Variants in PTPN4 observed in about 807,000 individuals in gnomAD.
PTPN4 encodes tyrosine-protein phosphatase non-receptor type 4.
A neutral mutation model predicts 135.5 loss-of-function variants in PTPN4; 49 were observed. The ratio of observed to expected loss-of-function variants is 0.36; its 90% confidence interval spans 0.29 to 0.46. PTPN4 has a LOEUF of 0.46. Ranked by LOEUF, PTPN4 falls within the 20% of genes least tolerant of loss-of-function variation. The pLI is 1.00. For missense variants in PTPN4, 860 were observed against 1,101.0 expected (o/e 0.78, Z 3.10); for synonymous variants, 333 against 369.9 (o/e 0.90, Z 1.14).
At chr2:119,949,359 A>G (rs1679179897) in intron 18 of PTPN4, among the ~76,000 whole-genome samples, 1 of 152,204 alleles carries the variant, frequency 6.6e-6, no homozygotes, top group Non-Finnish European at 1.5e-5. Context: ...TCGGGGGAAA[A>G]GGAAAAGGTT....
chr2:119,785,644 CAG>C (rs1476844715), intron 1 of PTPN4, among the ~76,000 whole-genome samples: 5 of 151,804 alleles, frequency 3.3e-5, no homozygotes, highest in Non-Finnish European at 7.4e-5. Flanking sequence ...CTTTCAAACA[CAG>C]AAAAATTAAA....
chr2:119,809,779 A>G (rs1339260927), intron 1 of PTPN4, 58 bp from the exon 2 acceptor site: 2 of 1,417,372 alleles, frequency 1.4e-6, no homozygotes, highest in Non-Finnish European at 1.9e-6. Context: ...TGCCTTTTAA[A>G]CTACAGCTTA....
intron 2 of PTPN4, among the ~76,000 whole-genome samples, chr2:119,821,629 A>C (rs894480750): frequency 6.6e-6 from 1 of 152,214 alleles, no homozygotes; most frequent in African/African-American, 2.4e-5. Context: ...TACATTAAAT[A>C]GGTACTTAAT....
intron 25 of PTPN4, among the ~76,000 whole-genome samples, chr2:119,966,478 G>A (rs1281999572): frequency 6.6e-6 from 1 of 152,052 alleles, no homozygotes; most frequent in Admixed American, 6.6e-5. Context: ...GGCTGGTCTC[G>A]AACTCCTGGG....
At chr2:119,882,388 T>C (rs1678092990) in intron 7 of PTPN4, 115 bp from the exon 8 acceptor site, 1 of 1,135,714 alleles carries the variant, frequency 8.8e-7, no homozygotes, top group Non-Finnish European at 1.2e-6. Flanking sequence ...TAAGTGGTTA[T>C]ATTAGAAACA....
At chr2:119,854,902 C>T (rs1043808249) in intron 2 of PTPN4, among the ~76,000 whole-genome samples, 4 of 152,192 alleles carry the variant, frequency 2.6e-5, no homozygotes, top group South Asian at 2.1e-4. Context: ...CCAGAAACAG[C>T]GTGTTTCATT....
At chr2:119,969,552 CTTTTTTTTTTT>C (rs35531556) in intron 26 of PTPN4, among the ~76,000 whole-genome samples, 3 of 113,862 alleles carry the variant, frequency 2.6e-5, no homozygotes, top group Admixed American at 2.2e-4. Context: ...TAATCAATTT[CTTTTTTTTTTT>C]TTTTTTTTTT....
chr2:119,895,810 T>G (rs1407978686), intron 9 of PTPN4, among the ~76,000 whole-genome samples: 3 of 150,364 alleles, frequency 2.0e-5, no homozygotes, highest in Non-Finnish European at 4.4e-5. Context: ...CCAGCTACTC[T>G]GGAGGCTGAG....
Position 119,977,189 on chromosome 2 carries a change from C to T in PTPN4, c.*119C>T. The stretch of plus-strand genomic sequence containing the variant: ...AAAAAAAATGAAGAACTCAAAAAAA[C>T]TTTGAAAACTTCAGCACTGTTGCAC... On this transcript the variant is annotated 3_prime_UTR_variant, in exon 27 of 27. Transcript: ENST00000263708. 2 of 1,378,164 alleles carry T rather than the reference C, an allele frequency of 1.5e-6. No individual in the cohort carries two copies. The highest frequency in any genetic ancestry group is 1.9e-6 in the Non-Finnish European group (2 of 1,062,374). 85.4% of individuals were successfully genotyped at this position (1,378,164 alleles called of 1,614,324 possible).
chr2:119,945,450 TTAAA>T (rs1679118712), intron 16 of PTPN4, among the ~76,000 whole-genome samples: 1 of 152,054 alleles, frequency 6.6e-6, no homozygotes, highest in Non-Finnish European at 1.5e-5. Flanking sequence ...GAGTATATAA[TTAAA>T]TAAGCTGTGG....
chr2:119,952,216 C>A, intron 19 of PTPN4, 87 bp downstream of exon 19: 1 of 1,267,624 alleles, frequency 7.9e-7, no homozygotes, highest in Non-Finnish European at 1.1e-6. Context: ...TGACATAAAA[C>A]ATAAGTCACC....
At chr2:119,778,068 A>G (rs1690871622) in intron 1 of PTPN4, among the ~76,000 whole-genome samples, 1 of 151,930 alleles carries the variant, frequency 6.6e-6, no homozygotes, top group South Asian at 2.1e-4. Context: ...ATTTTTTGCT[A>G]GGGAAGAGAG....
intron 9 of PTPN4, among the ~76,000 whole-genome samples, chr2:119,895,224 A>G (rs1240845377): frequency 6.6e-6 from 1 of 152,218 alleles, no homozygotes; most frequent in Non-Finnish European, 1.5e-5. Flanking sequence ...TAAGAAAATT[A>G]ACGGCTGTCT....
At chr2:119,903,477 A>C (rs1043831581) in intron 10 of PTPN4, among the ~76,000 whole-genome samples, 2 of 152,004 alleles carry the variant, frequency 1.3e-5, no homozygotes, top group Admixed American at 1.3e-4. Flanking sequence ...GGGCCTGACG[A>C]TAGATGTGCC....
chr2:119,822,316 C>A (rs1310524455), intron 2 of PTPN4, among the ~76,000 whole-genome samples: 1 of 151,800 alleles, frequency 6.6e-6, no homozygotes, highest in African/African-American at 2.4e-5. Context: ...GCTGTCTCTT[C>A]CACATGCTTT....
At chr2:119,942,859 A>G (rs572982944) in intron 15 of PTPN4, among the ~76,000 whole-genome samples, 17 of 152,296 alleles carry the variant, frequency 1.1e-4, no homozygotes, top group Non-Finnish European at 2.2e-4. Flanking sequence ...ACTTGAATCT[A>G]TGGGCCCTTA....
At chr2:119,812,931 G>GA (rs1481873511) in intron 2 of PTPN4, among the ~76,000 whole-genome samples, 1 of 152,174 alleles carries the variant, frequency 6.6e-6, no homozygotes, top group Non-Finnish European at 1.5e-5. Flanking sequence ...GATGAACAAG[G>GA]AAGGGCTGGG....
intron 1 of PTPN4, among the ~76,000 whole-genome samples, chr2:119,770,430 G>A (rs1690712475): frequency 6.6e-6 from 1 of 152,126 alleles, no homozygotes; most frequent in South Asian, 2.1e-4. Context: ...AATATAAAAA[G>A]GCATATAATG....
chr2:119,941,309 T>A (rs1679058786), intron 15 of PTPN4, among the ~76,000 whole-genome samples: 1 of 152,192 alleles, frequency 6.6e-6, no homozygotes, highest in South Asian at 2.1e-4. Context: ...TGAATTAATA[T>A]TCTTGGAGTA....
Sources: allele counts gnomAD v4.1 joint callset (sites outside exome capture counted in the v4.1 genomes callset), GRCh38; gene constraint gnomAD v4.1.1; transcripts MANE v1.5; gene names NCBI Gene and HGNC (gene_info 2026-07-23, HGNC 2026-07-21).